FLG: variants seen among roughly 807,000 people sequenced by gnomAD.
FLG encodes filaggrin.
FLG carries 6 observed loss-of-function variants against 3.8 expected under a neutral mutation model. That is an observed-to-expected ratio of 1.60 (90% CI 0.87 to 3.15). The LOEUF (loss-of-function observed/expected upper bound fraction) is 3.15. FLG is among the 30% of genes most tolerant of loss of function. FLG has a pLI of 0.00. For synonymous variants in FLG, 2,551 were observed against 1,931.6 expected, an observed-to-expected ratio of 1.32 and a Z score of -8.41; for missense variants, 7,595 against 5,050.9, an observed-to-expected ratio of 1.50 and a Z score of -15.27.
rs1057518212 is a variant in FLG, at chr1:152,303,358, G to T, written c.11528C>A (p.Ser3843Ter). The change falls in exon 3 of 3, where the codon TCA (serine) becomes TAA (stop). Residue 3843 changes from serine to a stop codon, truncating the protein, a stop_gained. Transcript: ENST00000368799. LOFTEE classifies it low-confidence loss of function (END_TRUNC). ...ASTQADSSRH[S>*]QSGQGESAGS... Reference sequence around the variant, plus strand: ...CGCTGATTCACCCTGGCCGGACTGTGAGTGTCTAGAGCTGTCAGCCTGAGT... The same window carrying T: ...CGCTGATTCACCCTGGCCGGACTGTTAGTGTCTAGAGCTGTCAGCCTGAGT... 7 of 1,614,116 alleles carry T rather than the reference G, an allele frequency of 4.3e-6. No homozygotes were observed. Among genetic ancestry groups the T allele is most frequent in the Non-Finnish European group, 5.9e-6 (7 of 1,180,036 alleles).
At position 152,303,797 on chromosome 1, in the gene FLG, G is replaced by A. The variant is rs375154095; in HGVS notation, c.11089C>T (p.Arg3697Cys). The A allele has an allele frequency of 3.1e-5, 50 of 1,613,564 alleles. 1 individual carries two copies. Among genetic ancestry groups the A allele is most frequent in the African/African-American group, 5.3e-5 (4 of 74,898 alleles). Residue 3697 changes from arginine to cysteine, a missense_variant, in exon 3 of 3, where the codon CGT becomes TGT. By Grantham distance (180) the Arg-to-Cys change is radical. Transcript: ENST00000368799. The stretch of plus-strand genomic sequence containing the variant: ...CCAGACCTTCCTGCTGACCGGCCAC[G>A]TGTGGACTCTTGGTGGCTCTGCTGA... ...PHQQSHQEST[R>C]GRSAGRSGRS...
At position 152,308,551 on chromosome 1, in the gene FLG, C is replaced by G. The variant is rs143616671; in HGVS notation, c.6335G>C (p.Gly2112Ala). ...ATCATAATGGGATCCTTGTCTTCCT[C>G]CAGTGCTGGGCGCAGACTGTCCATG... is the stretch of plus-strand genomic sequence containing the variant. Reference protein sequence around the residue: ...STHGQSAPSTGGRQGSHYDQA... With the variant: ...STHGQSAPSTAGRQGSHYDQA... The change falls in exon 3 of 3, where the codon GGA (glycine) becomes GCA (alanine). Residue 2112 changes from glycine to alanine, a missense_variant. Physicochemically the swap from Gly to Ala is moderately conservative, Grantham distance 60. Transcript: ENST00000368799. The G allele has an allele frequency of 6.2e-7, 1 of 1,613,964 alleles. No homozygotes were observed. The highest frequency in any genetic ancestry group is 1.7e-5 in the Admixed American group (1 of 59,998).
Position 152,304,921 on chromosome 1 carries a change from T to G in FLG, c.9965A>C (p.Gln3322Pro), listed in dbSNP as rs1226373594. ...SSRHSGIPRG[Q>P]ASSAVRDSRH... Reference sequence around the variant, plus strand: ...ACTGTCTCTGACTGCAGATGAAGCTTGTCCACGCGGAATGCCTGAGTGTCT... The same window carrying G: ...ACTGTCTCTGACTGCAGATGAAGCTGGTCCACGCGGAATGCCTGAGTGTCT... Residue 3322 changes from glutamine (Q) to proline (P), a missense_variant, in exon 3 of 3, where the codon CAA (glutamine) becomes CCA (proline). Physicochemically the swap from Gln to Pro is moderately conservative, Grantham distance 76. Coordinates refer to ENST00000368799, the MANE Select transcript of FLG (RefSeq NM_002016.2). The G allele has an allele frequency of 2.5e-6, 4 of 1,613,674 alleles. No homozygotes were observed. The African/African-American group carries it at 5.3e-5, about 22-fold the overall frequency.
At chr1:152,324,658 G>A (rs867187999) in intron 1 of FLG, among the ~76,000 whole-genome samples, 11 of 151,760 alleles carry the variant, frequency 7.2e-5, no homozygotes, top group Middle Eastern at 3.4e-3. Flanking sequence ...AAAACATTAC[G>A]AGTTTTTTTT....
In FLG at chr1:152,314,087, AT is replaced by A; in HGVS notation, c.798del (p.Lys266AsnfsTer6). The A allele has an allele frequency of 1.2e-6, 2 of 1,614,070 alleles. No individual in the cohort carries two copies. Among genetic ancestry groups the A allele is most frequent in the Admixed American group, 3.3e-5 (2 of 60,012 alleles). On this transcript the variant is annotated frameshift_variant, in exon 3 of 3. Coordinates refer to ENST00000368799, the MANE Select transcript of FLG (RefSeq NM_002016.2). LOFTEE classifies it low-confidence loss of function (END_TRUNC). The part of the protein sequence containing the change: ...IYERSRSSDG[K>X]SSSQVNRSRH... ...CTTGACCTGTTCACTTGAGATGATG[AT>A]TTGCCATCAGATGACCTTGATCTTT... is the stretch of plus-strand genomic sequence containing the variant.
Position 152,308,121 on chromosome 1 carries a change from A to C in FLG, c.6765T>G (p.Asp2255Glu). The change falls in exon 3 of 3, where the codon GAT (aspartate) becomes GAG (glutamate). Residue 2255 changes from aspartate to glutamate, a missense_variant. Physicochemically the swap from Asp to Glu is conservative, Grantham distance 45. Transcript: ENST00000368799. The stretch of plus-strand genomic sequence containing the variant: ...ACGCAGACCCAGACCGCCTCTCAGA[A>C]TCTTCTGAGTGTCCCTCACTGTCAC... ...QDSDSEGHSE[D>E]SERRSGSASR... 6 of 1,572,718 alleles carry C rather than the reference A, an allele frequency of 3.8e-6. No homozygotes were observed. Among genetic ancestry groups the C allele is most frequent in the Non-Finnish European group, 5.1e-6 (6 of 1,165,090 alleles).
At position 152,312,490 on chromosome 1, in the gene FLG, G is replaced by A; in HGVS notation, c.2396C>T (p.Thr799Ile). ...RSGSFLYQVS[T>I]HKQSESSHGW... ...ATGGGAGGACTCAGACTGTTTATGAGTGCTCACCTGGTAGAGGAAAGACCC... is the reference window on the plus strand; with the variant it reads ...ATGGGAGGACTCAGACTGTTTATGAATGCTCACCTGGTAGAGGAAAGACCC... Residue 799 changes from threonine (T) to isoleucine (I), a missense_variant, in exon 3 of 3, where the codon ACT becomes ATT. Transcript: ENST00000368799. 1.2e-6 allele frequency: 2 copies of A among 1,613,568 alleles called. No individual in the cohort carries two copies. The highest frequency in any genetic ancestry group is 1.7e-5 in the Admixed American group (1 of 59,978).
At chr1:152,316,160 T>A (rs1429040742) in intron 1 of FLG, among the ~76,000 whole-genome samples, 1 of 152,114 alleles carries the variant, frequency 6.6e-6, no homozygotes, top group African/African-American at 2.4e-5. Flanking sequence ...AATTATAACT[T>A]TATTAGGACT....
rs1652312110 is a variant in FLG, at chr1:152,310,306, C to A, written c.4580G>T (p.Arg1527Met). 1.9e-6 allele frequency: 3 copies of A among 1,613,786 alleles called. No individual in the cohort carries two copies. The highest frequency in any genetic ancestry group is 2.5e-6 in the Non-Finnish European group (3 of 1,179,988). ...YHHSHTTPQG[R>M]SDASHGQSGP... is the part of the protein sequence containing the mutation. Reference sequence around the variant, plus strand: ...TGACTGCCCATGGGAGGCATCAGACCTTCCCTGGGGTGTGGTGTGGCTGTG... The same window carrying A: ...TGACTGCCCATGGGAGGCATCAGACATTCCCTGGGGTGTGGTGTGGCTGTG... Residue 1527 changes from arginine to methionine, a missense_variant, in exon 3 of 3, where the codon AGG (arginine) becomes ATG (methionine). Transcript: ENST00000368799.
chr1:152,310,702 A>G lies in FLG; in HGVS notation c.4184T>C (p.Val1395Ala), dbSNP rs527894804. Residue 1395 changes from valine (V) to alanine (A), a missense_variant, in exon 3 of 3, where the codon GTC (valine) becomes GCC (alanine). Transcript: ENST00000368799. ...SGHRGSSGSQ[V>A]TNSEGHSEDS... ...TTCTGAATGTCCCTCACTGTTAGTG[A>G]CCTGACTACCACTGGACCCTCGGTG... 83 of 1,613,348 alleles carry G rather than the reference A, an allele frequency of 5.1e-5. 4 individuals carry two copies. In the Admixed American group the frequency reaches 1.1e-3, roughly 22 times the overall value.
At position 152,313,527 on chromosome 1, in the gene FLG, G is replaced by A. The variant is rs74129466; in HGVS notation, c.1359C>T (p.Ser453=). The change falls in exon 3 of 3, where the codon TCC becomes TCT. Residue 453 remains serine, a synonymous_variant. Transcript: ENST00000368799. ...ACCGTTCCCCTGACCGGCCACGTGT[G>A]GACTCTTGGTGGCTCTGCTGTCTCA... ...AGLRQQSHQE[S]TRGRSGERSG... 2.4e-3 allele frequency: 3,856 copies of A among 1,613,334 alleles called. 55 individuals carry two copies. The African/African-American group carries it at 0.04, about 17-fold the overall frequency.
In FLG at chr1:152,308,557, C is replaced by A. The variant is rs373662277; in HGVS notation, c.6329G>T (p.Ser2110Ile). Residue 2110 changes from serine to isoleucine, a missense_variant, in exon 3 of 3, where the codon AGC (serine) becomes ATC (isoleucine). Ser to Ile is a moderately radical substitution (Grantham distance 142). Coordinates refer to ENST00000368799, the MANE Select transcript of FLG (RefSeq NM_002016.2). The part of the protein sequence containing the change: ...SESTHGQSAP[S>I]TGGRQGSHYD... ...ATGGGATCCTTGTCTTCCTCCAGTG[C>A]TGGGCGCAGACTGTCCATGGGTGGA... 1 of 1,613,944 alleles carries A rather than the reference C, an allele frequency of 6.2e-7. No homozygotes were observed.
rs1290794764 is a variant in FLG at position 152,312,861 on chromosome 1, G to A, written c.2025C>T (p.Asp675=). 1 of 1,614,088 alleles carries A rather than the reference G, an allele frequency of 6.2e-7. No individual in the cohort carries two copies. Among genetic ancestry groups the A allele is most frequent in the Non-Finnish European group, 8.5e-7 (1 of 1,180,026 alleles). ...EDRAGHGHSA[D]SSRKSGTRHT... ...GACGAGTGCCTGATTTTCTGGAGCT[G>A]TCTGCAGAGTGCCCATGACCAGCTC... Residue 675 remains aspartate (D), a synonymous_variant, in exon 3 of 3, where the codon GAC becomes GAT. Coordinates refer to ENST00000368799, the MANE Select transcript of FLG (RefSeq NM_002016.2).
In FLG at chr1:152,308,789, C is replaced by T; in HGVS notation, c.6097G>A (p.Asp2033Asn). The T allele has an allele frequency of 6.2e-7, 1 of 1,614,188 alleles. No individual in the cohort carries two copies. Among genetic ancestry groups the T allele is most frequent in the East Asian group, 2.2e-5 (1 of 44,882 alleles). The change falls in exon 3 of 3, where the codon GAC becomes AAC. Residue 2033 changes from aspartate to asparagine, a missense_variant. Asp to Asn is a conservative substitution (Grantham distance 23, BLOSUM62 1). Coordinates refer to ENST00000368799, the MANE Select transcript of FLG (RefSeq NM_002016.2). ...CCACTGTACCCTCGGTGTCCACTGTCTCTGACTGCAGATGAAGCTTGTCCA... is the reference window on the plus strand; with the variant it reads ...CCACTGTACCCTCGGTGTCCACTGTTTCTGACTGCAGATGAAGCTTGTCCA... ...GHGQASSAVR[D>N]SGHRGYSGSQ...
Position 152,311,434 on chromosome 1 carries a change from T to C in FLG, c.3452A>G (p.Asp1151Gly). Residue 1151 changes from aspartate to glycine, a missense_variant, in exon 3 of 3, where the codon GAC becomes GGC. Transcript: ENST00000368799. ...RQGSHHEQARDSSRHSASQEG... is the reference protein window; with the variant it reads ...RQGSHHEQARGSSRHSASQEG... The stretch of plus-strand genomic sequence containing the variant: ...TTGGGACGCTGAGTGCCTGGAGCTG[T>C]CTCGTGCCTGCTCGTGGTGGGATCC... 6.2e-7 allele frequency: 1 copy of C among 1,613,976 alleles called. No individual in the cohort carries two copies. The highest frequency in any genetic ancestry group is 8.5e-7 in the Non-Finnish European group (1 of 1,179,972).
chr1:152,308,341 C>T lies in FLG; in HGVS notation c.6545G>A (p.Gly2182Glu), dbSNP rs1339135748. 1 of 1,613,576 alleles carries T rather than the reference C, an allele frequency of 6.2e-7. No homozygotes were observed. The highest frequency in any genetic ancestry group is 8.5e-7 in the Non-Finnish European group (1 of 1,179,840). Reference sequence around the variant, plus strand: ...GCTTGCACTTCTGGATCCTGACTGCCCACGGGAGGCATCAGACCTTCCCTG... The same window carrying T: ...GCTTGCACTTCTGGATCCTGACTGCTCACGGGAGGCATCAGACCTTCCCTG... ...TSQGRSDASR[G>E]QSGSRSASRK... The change falls in exon 3 of 3, where the codon GGG (glycine) becomes GAG (glutamate). Residue 2182 changes from glycine (G) to glutamate (E), a missense_variant. Coordinates refer to ENST00000368799, the MANE Select transcript of FLG (RefSeq NM_002016.2).
chr1:152,309,595 G>T lies in FLG; in HGVS notation c.5291C>A (p.Ser1764Tyr). 6.2e-7 allele frequency: 1 copy of T among 1,613,930 alleles called. No homozygotes were observed. The highest frequency in any genetic ancestry group is 2.2e-5 in the East Asian group (1 of 44,822). The stretch of plus-strand genomic sequence containing the variant: ...ATGAGTGCTCACCTGGTAGAGGAAA[G>T]ACCCTGAACGTCCAGACCTTTCCCC... ...QSGERSGRSGSFLYQVSTHEQ... is the reference protein window; with the variant it reads ...QSGERSGRSGYFLYQVSTHEQ... Residue 1764 changes from serine (S) to tyrosine (Y), a missense_variant, in exon 3 of 3, where the codon TCT (serine) becomes TAT (tyrosine). Coordinates refer to ENST00000368799, the MANE Select transcript of FLG (RefSeq NM_002016.2).
intron 1 of FLG, 94 bp from the exon 2 acceptor site, chr1:152,315,571 C>T: frequency 1.0e-6 from 1 of 970,088 alleles, no homozygotes; most frequent in Admixed American, 2.6e-5. Context: ...CCTACATTTT[C>T]CTCTAAGTAA....
chr1:152,311,109 C>A lies in FLG; in HGVS notation c.3777G>T (p.Gly1259=). ...ATCCCTGGTGCCTGCTTGTCCTGGA[C>A]CCCGATGATTGTTCCTGTCCCACCT... The part of the protein sequence containing the change: ...HSQVGQEQSS[G]SRTSRHQGSS... Residue 1259 remains glycine, a synonymous_variant, in exon 3 of 3, where the codon GGG becomes GGT. Coordinates refer to ENST00000368799, the MANE Select transcript of FLG (RefSeq NM_002016.2). The A allele has an allele frequency of 6.2e-7, 1 of 1,613,826 alleles. No individual in the cohort carries two copies. Among genetic ancestry groups the A allele is most frequent in the South Asian group, 1.1e-5 (1 of 91,050 alleles).
Sources: allele counts gnomAD v4.1 joint callset (sites outside exome capture counted in the v4.1 genomes callset), GRCh38; gene constraint gnomAD v4.1.1; transcripts MANE v1.5; gene names NCBI Gene and HGNC (gene_info 2026-07-23, HGNC 2026-07-21).